ZNF205: variants seen among roughly 807,000 people sequenced by gnomAD.
ZNF205 encodes transcriptional repressor RHIT.
Under a neutral mutation model 53.6 loss-of-function variants are expected in ZNF205, and 32 were observed. The ratio of observed to expected loss-of-function variants is 0.60; its 90% CI spans 0.45 to 0.80. The LOEUF is 0.80. ZNF205 is among the 30% of genes least tolerant of loss of function. The pLI, the probability that ZNF205 is intolerant of heterozygous loss-of-function variation, is 0.00. For synonymous variants in ZNF205, 382 were observed against 334.3 expected (o/e 1.14, Z -1.56); for missense variants, 836 against 782.4 (o/e 1.07, Z -0.82).
chr16:3,119,910 C>T lies in ZNF205; in HGVS notation c.1250C>T (p.Ala417Val). Residue 417 changes from alanine (A) to valine (V), a missense_variant, in exon 7 of 7, where the codon GCC becomes GTC. Physicochemically the swap from Ala to Val is moderately conservative, Grantham distance 64. Transcript: ENST00000219091. ...ACCCACCAGGGCACCCACACGGGCG[C>T]CAAGCCGCACAAGTGCCCCATCTGC... Reference protein sequence around the residue: ...LVTHQGTHTGAKPHKCPICAK... With the variant: ...LVTHQGTHTGVKPHKCPICAK... The T allele has an allele frequency of 6.2e-7, 1 of 1,613,348 alleles. No individual in the cohort carries two copies. The highest frequency in any genetic ancestry group is 8.5e-7 in the Non-Finnish European group (1 of 1,179,864).
rs771724447 is a variant in ZNF205 at position 3,119,984 on chromosome 16, C to G, written c.1324C>G (p.His442Asp). Reference sequence around the variant, plus strand: ...GGCGCTAGTCACCCACCAGCGCACCCACACTGGGGTCAAGCCCTATCCGTG... The same window carrying G: ...GGCGCTAGTCACCCACCAGCGCACCGACACTGGGGTCAAGCCCTATCCGTG... The part of the protein sequence containing the change: ...SSALVTHQRT[H>D]TGVKPYPCPE... Residue 442 changes from histidine to aspartate, a missense_variant, in exon 7 of 7, where the codon CAC becomes GAC. Coordinates refer to ENST00000219091, the MANE Select transcript of ZNF205 (RefSeq NM_001042428.2). The G allele has an allele frequency of 1.2e-5, 19 of 1,613,728 alleles. No homozygotes were observed. Among genetic ancestry groups the G allele is most frequent in the Non-Finnish European group, 1.6e-5 (19 of 1,179,926 alleles).
rs1275336231 is a variant in ZNF205 at position 3,120,400 on chromosome 16, A to G, written c.*75A>G. The G allele has an allele frequency of 5.6e-6, 8 of 1,421,040 alleles. No homozygotes were observed. In the African/African-American group the frequency reaches 7.2e-5, roughly 13 times the overall value. The allele number at this position is 1,421,040 out of a possible 1,614,324, so 88.0% of individuals were successfully genotyped here. On this transcript the variant is annotated 3_prime_UTR_variant, in exon 7 of 7. Transcript: ENST00000219091. ...ACTGGAGTCAAGGCTCCGAGGGAGG[A>G]GAGAGGGGCTCGGGAAGGGAGCTGG...
Position 3,120,314 on chromosome 16 carries a change from G to T in ZNF205, c.1654G>T (p.Ala552Ser). 1.9e-6 allele frequency: 3 copies of T among 1,555,726 alleles called. No homozygotes were observed. The highest frequency in any genetic ancestry group is 2.6e-6 in the Non-Finnish European group (3 of 1,159,658). Residue 552 changes from alanine (A) to serine (S), a missense_variant, in exon 7 of 7, where the codon GCT becomes TCT. Transcript: ENST00000219091. ...AAGALATPPP[A>S]PT ...GGGGGCTCTGGCCACACCCCCACCC[G>T]CTCCCACCTAGGAGGCCAGGAAAGG...
chr16:3,120,146 C>T lies in ZNF205; in HGVS notation c.1486C>T (p.Arg496Cys), dbSNP rs1375462960. The part of the protein sequence containing the change: ...SHSSHLTAHQ[R>C]THRGVRPYAC... ...CAGCTCGCACCTCACCGCGCACCAG[C>T]GCACCCACCGTGGCGTGCGGCCCTA... The change falls in exon 7 of 7, where the codon CGC (arginine) becomes TGC (cysteine). Residue 496 changes from arginine to cysteine, a missense_variant. Coordinates refer to ENST00000219091, the MANE Select transcript of ZNF205 (RefSeq NM_001042428.2). The T allele has an allele frequency of 2.5e-6, 4 of 1,613,102 alleles. No individual in the cohort carries two copies. The African/African-American group carries it at 4.0e-5, about 16-fold the overall frequency.
chr16:3,116,004 G>A (rs149099200), intron 4 of ZNF205, 84 bp downstream of exon 4: 2 of 1,412,590 alleles, frequency 1.4e-6, no homozygotes, highest in African/African-American at 1.4e-5. Flanking sequence ...GACCCCGCTG[G>A]CCCCACTTGC....
At position 3,119,510 on chromosome 16, in the gene ZNF205, G is replaced by A; in HGVS notation, c.850G>A (p.Glu284Lys). The A allele has an allele frequency of 1.3e-6, 2 of 1,599,752 alleles. No homozygotes were observed. Among genetic ancestry groups the A allele is most frequent in the South Asian group, 2.2e-5 (2 of 89,486 alleles). Residue 284 changes from glutamate (E) to lysine (K), a missense_variant, in exon 7 of 7, where the codon GAG becomes AAG. Glu to Lys is a moderately conservative substitution (Grantham distance 56). Coordinates refer to ENST00000219091, the MANE Select transcript of ZNF205 (RefSeq NM_001042428.2). The stretch of plus-strand genomic sequence containing the variant: ...GTACCGCGTCCCGGAGAAGCCCAAC[G>A]AGGAGGAGAAGGGCGCCCCGGAGAG... ...QEYRVPEKPN[E>K]EEKGAPESGE... is the part of the protein sequence containing the mutation.
intron 4 of ZNF205, 79 bp downstream of exon 4, chr16:3,115,999 C>A: frequency 4.2e-6 from 6 of 1,439,772 alleles, no homozygotes; most frequent in Non-Finnish European, 5.7e-6. Flanking sequence ...GCCAGGACCC[C>A]GCTGGCCCCA....
chr16:3,119,823 G>C lies in ZNF205; in HGVS notation c.1163G>C (p.Gly388Ala). 1 of 1,613,728 alleles carries C rather than the reference G, an allele frequency of 6.2e-7. No homozygotes were observed. Among genetic ancestry groups the C allele is most frequent in the Non-Finnish European group, 8.5e-7 (1 of 1,179,884 alleles). Residue 388 changes from glycine (G) to alanine (A), a missense_variant, in exon 7 of 7, where the codon GGA (glycine) becomes GCA (alanine). Coordinates refer to ENST00000219091, the MANE Select transcript of ZNF205 (RefSeq NM_001042428.2). ...ATTCAGCACCAGCGCATCCACACCG[G>C]AGAGAAGCCCTACGTGTGCGACCGC... Reference protein sequence around the residue: ...TLIQHQRIHTGEKPYVCDRCA... With the variant: ...TLIQHQRIHTAEKPYVCDRCA...
chr16:3,115,008 G>T (rs879343147), intron 2 of ZNF205: 12 of 198,890 alleles, frequency 6.0e-5, no homozygotes, highest in Non-Finnish European at 1.1e-4. Context: ...CCCATTCTGA[G>T]GTCCAGGGAG....
chr16:3,117,720 TG>T (rs1203123409), intron 5 of ZNF205, among the ~76,000 whole-genome samples: 2 of 152,136 alleles, frequency 1.3e-5, no homozygotes, highest in African/African-American at 4.8e-5. Context: ...CCCAAAGTGT[TG>T]GGATTATAGG....
At chr16:3,119,161 G>C (rs1596299862) in intron 6 of ZNF205, 95 bp from the exon 7 acceptor site, 3 of 1,509,142 alleles carry the variant, frequency 2.0e-6, no homozygotes, top group East Asian at 2.3e-5. Flanking sequence ...TCTGGTCTCT[G>C]AGAATCCAGC....
intron 1 of ZNF205, chr16:3,113,213 G>A (rs914046087): frequency 5.7e-6 from 3 of 525,736 alleles, no homozygotes; most frequent in African/African-American, 2.0e-5. Context: ...AAACATCACA[G>A]AGAGTGGGAC....
In ZNF205 at chr16:3,116,454, T is replaced by C. The variant is rs1957346782; in HGVS notation, c.391T>C (p.Leu131=). The C allele has an allele frequency of 2.5e-6, 4 of 1,613,910 alleles. No individual in the cohort carries two copies. The highest frequency in any genetic ancestry group is 2.2e-5 in the East Asian group (1 of 44,884). ...GCCAGTGACTTTCGAGGATGTGGCC[T>C]TGTACCTCTCCCGGGAGGAGTGGGG... ...QMPVTFEDVA[L]YLSREEWGRL... The change falls in exon 5 of 7, where the codon TTG becomes CTG. Residue 131 remains leucine (L), a synonymous_variant. Coordinates refer to ENST00000219091, the MANE Select transcript of ZNF205 (RefSeq NM_001042428.2).
chr16:3,113,590 G>A, intron 2 of ZNF205, 103 bp downstream of exon 2: 1 of 1,286,234 alleles, frequency 7.8e-7, no homozygotes, highest in South Asian at 1.4e-5. Flanking sequence ...TAGACTCACT[G>A]GGGTGGGGAG....
At position 3,120,087 on chromosome 16, in the gene ZNF205, A is replaced by AC. The variant is rs1957404824; in HGVS notation, c.1429dup (p.His477ProfsTer138). The AC allele has an allele frequency of 6.2e-7, 1 of 1,613,668 alleles. No individual in the cohort carries two copies. Among genetic ancestry groups the AC allele is most frequent in the African/African-American group, 1.3e-5 (1 of 74,890 alleles). On this transcript the variant is annotated frameshift_variant, in exon 7 of 7. Transcript: ENST00000219091. LOFTEE classifies it high-confidence loss of function. The stretch of plus-strand genomic sequence containing the variant: ...CGCACACACACAGGCGAGAAGCCCT[A>AC]CCACTGCCTCGACTGCGGCAAGAGC...
rs1193795699 is a variant in ZNF205, at chr16:3,119,186, C to G, written c.596-70C>G. 1.1e-5 allele frequency: 16 copies of G among 1,520,382 alleles called. No individual in the cohort carries two copies. In the Admixed American group the frequency reaches 1.9e-4, roughly 18 times the overall value. The allele number at this position is 1,520,382 out of a possible 1,614,324, so 94.2% of individuals were successfully genotyped here. On this transcript the variant is annotated intron_variant, in intron 6 of 6. Transcript: ENST00000219091. The stretch of plus-strand genomic sequence containing the variant: ...GAGAATCCAGCCCCCACCCTTAGCT[C>G]TGCCTTCTCCACCCTCCTGGGGTCC...
chr16:3,112,703 AG>A (rs996939092), intron 1 of ZNF205, 21 bp downstream of exon 1: 11 of 281,618 alleles, frequency 3.9e-5, no homozygotes, highest in African/African-American at 2.4e-4. Flanking sequence ...GGTGCTGGGG[AG>A]GGCATCTGGA....
In ZNF205 at chr16:3,115,364, C is replaced by T. The variant is rs775487028; in HGVS notation, c.67C>T (p.Arg23Cys). The change falls in exon 3 of 7, where the codon CGT becomes TGT. Residue 23 changes from arginine to cysteine, a missense_variant. Coordinates refer to ENST00000219091, the MANE Select transcript of ZNF205 (RefSeq NM_001042428.2). ...DKETPPEVPD[R>C]GHPHQEMPSK... ...GGGCTGTCCTTTCTAGGTTCCAGAT[C>T]GTGGACATCCTCATCAGGAAATGCC... is the stretch of plus-strand genomic sequence containing the variant. 2.9e-5 allele frequency: 46 copies of T among 1,595,800 alleles called. No homozygotes were observed. Among genetic ancestry groups the T allele is most frequent in the African/African-American group, 4.1e-5 (3 of 73,954 alleles).
intron 1 of ZNF205, 77 bp from the exon 2 acceptor site, chr16:3,113,340 C>T (rs1957294778): frequency 1.4e-6 from 2 of 1,459,628 alleles, no homozygotes; most frequent in East Asian, 4.7e-5. Context: ...TTTCTGTCTG[C>T]TCTTCTAGGC....
Sources: gnomAD v4.1 joint callset for allele counts (sites outside exome capture counted in the v4.1 genomes callset) on GRCh38, gnomAD v4.1.1 for gene constraint, MANE v1.5 for transcripts, NCBI Gene and HGNC (gene_info 2026-07-23, HGNC 2026-07-21) for gene names.